PRELID2: variants seen among roughly 807,000 people sequenced by gnomAD.
PRELID2 encodes the protein PRELI domain-containing protein 2.
A neutral mutation model predicts 28.4 loss-of-function variants in PRELID2; 25 were observed. That is an observed-to-expected ratio of 0.88 (90% CI 0.64 to 1.23). The LOEUF (loss-of-function observed/expected upper bound fraction) is 1.23, where lower values mean the gene tolerates loss of function less well. PRELID2 is among the 50% of genes most tolerant of loss of function. PRELID2 has a pLI of 0.00. For missense variants in PRELID2, 201 were observed against 214.4 expected, an observed-to-expected ratio of 0.94 and a Z score of 0.39; for synonymous variants, 76 against 71.6, an observed-to-expected ratio of 1.06 and a Z score of -0.31.
chr5:145,577,666 T>C (rs78116459), intron 1 of PRELID2, among the ~76,000 whole-genome samples: 3 of 152,142 alleles, frequency 2.0e-5, no homozygotes, highest in African/African-American at 7.2e-5. Flanking sequence ...AAGAGAAAAA[T>C]AAAAGGTCTC....
the PRELID2 span, among the ~76,000 whole-genome samples, chr5:145,381,386 G>A: frequency 6.6e-6 from 1 of 152,246 alleles, no homozygotes; most frequent in South Asian, 2.1e-4. Flanking sequence ...TACATATTGG[G>A]TTGGTGCAAA....
At chr5:145,484,226 T>A (rs1456219644) in intron 1 of PRELID2, among the ~76,000 whole-genome samples, 1 of 152,160 alleles carries the variant, frequency 6.6e-6, no homozygotes, top group Non-Finnish European at 1.5e-5. Flanking sequence ...GTGCCTGGAC[T>A]TTGAACATAT....
chr5:145,728,553 A>G lies in PRELID2; in HGVS notation n.70+36378T>C, dbSNP rs554123294. ...CTACTCCACATCAGCATCATCCTCA[A>G]TTTCCTGGAATGAATTGTTGATCAT... On this transcript the variant is annotated intron_variant and non_coding_transcript_variant, in intron 1 of 2. Transcript: ENST00000510259. The G allele has an allele frequency of 1.1e-5, 9 of 817,686 alleles. No homozygotes were observed. In the African/African-American group the frequency reaches 1.3e-4, roughly 12 times the overall value. The allele number at this position is 817,686 out of a possible 1,614,324, so 50.7% of individuals were successfully genotyped here.
chr5:145,284,435 G>A, the PRELID2 span, among the ~76,000 whole-genome samples: 1 of 152,106 alleles, frequency 6.6e-6, no homozygotes, highest in African/African-American at 2.4e-5. Context: ...AATTTCATCA[G>A]TCACAGCCGG....
At chr5:145,587,900 T>C (rs1191181660) in intron 1 of PRELID2, among the ~76,000 whole-genome samples, 1 of 152,222 alleles carries the variant, frequency 6.6e-6, no homozygotes, top group Non-Finnish European at 1.5e-5. Flanking sequence ...CTTTGAAGTA[T>C]GATAGCAAAT....
At chr5:145,726,577 G>A (rs1756173764) in intron 1 of PRELID2, among the ~76,000 whole-genome samples, 1 of 152,234 alleles carries the variant, frequency 6.6e-6, no homozygotes. Context: ...AGGCGAATAT[G>A]TACAAGTATG....
At chr5:145,727,734 C>T (rs1479843891) in intron 1 of PRELID2, among the ~76,000 whole-genome samples, 2 of 152,112 alleles carry the variant, frequency 1.3e-5, no homozygotes, top group African/African-American at 4.8e-5. Context: ...AGTTACAATA[C>T]AAATAGATGG....
chr5:145,722,154 T>G (rs981070174), intron 1 of PRELID2, among the ~76,000 whole-genome samples: 1 of 152,080 alleles, frequency 6.6e-6, no homozygotes, highest in African/African-American at 2.4e-5. Context: ...TTAGCACACA[T>G]GGAGCATTTA....
intron 1 of PRELID2, among the ~76,000 whole-genome samples, chr5:145,628,522 C>T (rs1026234541): frequency 6.6e-6 from 1 of 152,066 alleles, no homozygotes; most frequent in Non-Finnish European, 1.5e-5. Context: ...TGGGGTTTTG[C>T]CATGTTGGCC....
Position 145,758,852 on chromosome 5 carries a change from T to G in PRELID2, c.*1684A>C, listed in dbSNP as rs1314336650. On this transcript the variant is annotated 3_prime_UTR_variant, in exon 7 of 7. Coordinates refer to ENST00000683046, the MANE Select transcript of PRELID2 (RefSeq NM_205846.3). ...ACAAAATTCAGGCAGCACAAAGAGC[T>G]CAGATACAATAAGAACAGGCTCACA... is the stretch of plus-strand genomic sequence containing the variant. Among the ~76,000 whole-genome samples, 1 of 151,970 alleles carries G rather than the reference T, an allele frequency of 6.6e-6. No individual in the cohort carries two copies. The highest frequency in any genetic ancestry group is 1.9e-4 in the East Asian group (1 of 5,174).
the PRELID2 span, among the ~76,000 whole-genome samples, chr5:145,442,439 A>G: frequency 6.6e-6 from 1 of 151,866 alleles, no homozygotes; most frequent in Non-Finnish European, 1.5e-5. Flanking sequence ...TGCACCCACA[A>G]TGCAATAGGG....
the PRELID2 span, chr5:145,229,955 G>T: frequency 2.3e-5 from 17 of 746,940 alleles, 1 homozygote; most frequent in Admixed American, 2.1e-4. Flanking sequence ...TGAACGTGCA[G>T]GGTGATTATG....
At chr5:145,777,610 C>T (rs908349084) in intron 5 of PRELID2, among the ~76,000 whole-genome samples, 4 of 152,186 alleles carry the variant, frequency 2.6e-5, no homozygotes, top group African/African-American at 7.2e-5. Context: ...CAGGGAGGCA[C>T]GGCCAGGGCT....
chr5:145,532,030 C>A (rs548943189), intron 1 of PRELID2, among the ~76,000 whole-genome samples: 6 of 152,066 alleles, frequency 3.9e-5, no homozygotes, highest in African/African-American at 1.4e-4. Flanking sequence ...ATATGCAAAG[C>A]AGTATAATGT....
At chr5:145,241,353 G>C in the PRELID2 span, among the ~76,000 whole-genome samples, 1 of 151,992 alleles carries the variant, frequency 6.6e-6, no homozygotes. Context: ...GGAATCACAA[G>C]ATAAAAGGAG....
chr5:145,785,575 C>G (rs6888614), intron 5 of PRELID2, among the ~76,000 whole-genome samples: 7,379 of 152,206 alleles, frequency 0.048, 367 homozygotes, highest in African/African-American at 0.12. Context: ...AATCAGCAAC[C>G]TCGCTCTCCA....
chr5:145,402,460 C>T, the PRELID2 span, among the ~76,000 whole-genome samples: 1 of 152,250 alleles, frequency 6.6e-6, no homozygotes, highest in South Asian at 2.1e-4. Flanking sequence ...GCCAGGGACA[C>T]ATTATAGATT....
the PRELID2 span, among the ~76,000 whole-genome samples, chr5:145,362,008 T>C: frequency 6.6e-6 from 1 of 152,180 alleles, no homozygotes; most frequent in Admixed American, 6.5e-5. Flanking sequence ...ACAATCATGA[T>C]TCAACAAGTA....
chr5:145,361,276 G>C, the PRELID2 span, among the ~76,000 whole-genome samples: 1 of 152,178 alleles, frequency 6.6e-6, no homozygotes, highest in Non-Finnish European at 1.5e-5. Flanking sequence ...TAACACCTTA[G>C]CTCAAAATCA....
Sources: allele counts gnomAD v4.1 joint callset (sites outside exome capture counted in the v4.1 genomes callset), GRCh38; gene constraint gnomAD v4.1.1; transcripts MANE v1.5; gene names NCBI Gene and HGNC (gene_info 2026-07-23, HGNC 2026-07-21).